The following XRN2 variants were observed in gnomAD, a reference collection of about 807,000 sequenced individuals.
XRN2 encodes the protein DHM1-like protein.
A neutral mutation model predicts 138.5 loss-of-function variants in XRN2; 44 were observed. That is an observed-to-expected ratio of 0.32 (90% CI 0.25 to 0.41). The LOEUF is 0.41. Ranked by LOEUF, XRN2 falls within the 10% of genes least tolerant of loss-of-function variation. XRN2 has a pLI of 1.00. For synonymous variants in XRN2, 354 were observed against 369.4 expected, an observed-to-expected ratio of 0.96 and a Z score of 0.48; for missense variants, 937 against 1,169.3, an observed-to-expected ratio of 0.80 and a Z score of 2.90.
At chr20:21,330,586 A>C (rs777391313) in intron 5 of XRN2, 30 bp from the exon 6 acceptor site, 2 of 1,613,524 alleles carry the variant, frequency 1.2e-6, no homozygotes, top group Non-Finnish European at 1.7e-6. Flanking sequence ...CTTAAATGAT[A>C]GGTTAATTTA....
chr20:21,381,440 GA>G (rs1225124806), intron 27 of XRN2, among the ~76,000 whole-genome samples: 1 of 152,154 alleles, frequency 6.6e-6, no homozygotes, highest in Non-Finnish European at 1.5e-5. Flanking sequence ...TGCGTTACAA[GA>G]AAACTATCAG....
chr20:21,384,276 C>T (rs909104217), intron 28 of XRN2, among the ~76,000 whole-genome samples: 1 of 152,148 alleles, frequency 6.6e-6, no homozygotes, highest in Non-Finnish European at 1.5e-5. Context: ...ATTTGCAAGG[C>T]AGCCATTTAG....
At chr20:21,372,503 T>A (rs1237361973) in intron 27 of XRN2, among the ~76,000 whole-genome samples, 1 of 152,214 alleles carries the variant, frequency 6.6e-6, no homozygotes, top group Non-Finnish European at 1.5e-5. Context: ...AAAATGCATT[T>A]TTAACTACAG....
chr20:21,324,155 A>G (rs567683984), intron 1 of XRN2, among the ~76,000 whole-genome samples: 41 of 152,062 alleles, frequency 2.7e-4, no homozygotes, highest in African/African-American at 9.6e-4. Context: ...CCCCCCCAAG[A>G]ATTGACCTGC....
At chr20:21,388,289 T>C (rs778978057) in intron 29 of XRN2, among the ~76,000 whole-genome samples, 3 of 152,236 alleles carry the variant, frequency 2.0e-5, no homozygotes, top group Non-Finnish European at 4.4e-5. Context: ...ATCTTCCTTT[T>C]AAAGGAACTC....
chr20:21,376,477 T>C (rs1193779496), intron 27 of XRN2, among the ~76,000 whole-genome samples: 1 of 152,232 alleles, frequency 6.6e-6, no homozygotes. Flanking sequence ...TTTTGTAAGT[T>C]GGCTGTTCTT....
intron 27 of XRN2, among the ~76,000 whole-genome samples, chr20:21,380,731 T>C (rs2038874109): frequency 6.6e-6 from 1 of 152,254 alleles, no homozygotes; most frequent in African/African-American, 2.4e-5. Flanking sequence ...AAGGGCTTCC[T>C]GCACCTTTCT....
chr20:21,388,586 AAAGTACTG>A (rs2038958598), intron 29 of XRN2, among the ~76,000 whole-genome samples: 1 of 152,198 alleles, frequency 6.6e-6, no homozygotes, highest in African/African-American at 2.4e-5. Context: ...GTTCATGTTT[AAAGTACTG>A]AAGTGCTCTC....
intron 1 of XRN2, among the ~76,000 whole-genome samples, chr20:21,324,046 G>C (rs1188180200): frequency 6.6e-6 from 1 of 152,110 alleles, no homozygotes; most frequent in Non-Finnish European, 1.5e-5. Flanking sequence ...GGACTTTGGG[G>C]TGTAGAGGTT....
At chr20:21,373,784 A>T (rs1004158904) in intron 27 of XRN2, among the ~76,000 whole-genome samples, 2 of 151,972 alleles carry the variant, frequency 1.3e-5, no homozygotes, top group African/African-American at 4.8e-5. Context: ...TGTTTGTGTG[A>T]TGGTAGTGTT....
chr20:21,380,494 T>G (rs989194981), intron 27 of XRN2, among the ~76,000 whole-genome samples: 1 of 152,246 alleles, frequency 6.6e-6, no homozygotes, highest in Non-Finnish European at 1.5e-5. Context: ...TTTCTGATAG[T>G]GTATAGTCTG....
chr20:21,348,609 GT>G (rs2038467991), intron 19 of XRN2, among the ~76,000 whole-genome samples, 179 bp downstream of exon 19: 1 of 151,872 alleles, frequency 6.6e-6, no homozygotes. Context: ...AAATCAGTTT[GT>G]TTTGGGGAGA....
At chr20:21,352,885 T>G (rs1022408793) in intron 20 of XRN2, among the ~76,000 whole-genome samples, 7 of 152,004 alleles carry the variant, frequency 4.6e-5, no homozygotes, top group Non-Finnish European at 8.8e-5. Context: ...AAGAATTCAG[T>G]GAGATAATGC....
intron 28 of XRN2, 108 bp from the exon 29 acceptor site, chr20:21,386,760 C>A: frequency 7.3e-7 from 1 of 1,376,964 alleles, no homozygotes; most frequent in Non-Finnish European, 1.0e-6. Context: ...TATGATAAAT[C>A]CAGGTAAATT....
intron 15 of XRN2, among the ~76,000 whole-genome samples, chr20:21,343,387 T>C (rs2122239606): frequency 6.6e-6 from 1 of 152,136 alleles, no homozygotes; most frequent in East Asian, 1.9e-4. Context: ...GAATTTAAAG[T>C]GACAGCTAAG....
rs1219015013 is a variant in XRN2, at chr20:21,365,615, C to A, written c.2367C>A (p.Ser789=). 3 of 1,613,124 alleles carry A rather than the reference C, an allele frequency of 1.9e-6. No individual in the cohort carries two copies. Among genetic ancestry groups the A allele is most frequent in the Middle Eastern group, 1.7e-4 (1 of 6,060 alleles). The change falls in exon 26 of 30, where the codon TCC becomes TCA. Residue 789 remains serine, a synonymous_variant. Coordinates refer to ENST00000377191, the MANE Select transcript of XRN2 (RefSeq NM_012255.5). Reference sequence around the variant, plus strand: ...TGAAACCTAGTGACTGGGAAAAATCCAGCAATGGACGGCAGTGGAAGCCTC... The same window carrying A: ...TGAAACCTAGTGACTGGGAAAAATCAAGCAATGGACGGCAGTGGAAGCCTC... The part of the protein sequence containing the change: ...AVLKPSDWEK[S]SNGRQWKPQL...
At chr20:21,388,238 C>G (rs1016332175) in intron 29 of XRN2, among the ~76,000 whole-genome samples, 30 of 152,230 alleles carry the variant, frequency 2.0e-4, no homozygotes, top group African/African-American at 6.0e-4. Context: ...GCTGCCTAGA[C>G]TGCTGACCCC....
intron 4 of XRN2, 38 bp from the exon 5 acceptor site, chr20:21,330,443 T>G (rs1483060482): frequency 1.2e-6 from 2 of 1,604,790 alleles, no homozygotes; most frequent in Non-Finnish European, 1.7e-6. Flanking sequence ...TTATCTCACT[T>G]TTTATGGGGA....
chr20:21,360,691 A>G (rs1377340930), intron 24 of XRN2, among the ~76,000 whole-genome samples: 2 of 151,474 alleles, frequency 1.3e-5, no homozygotes, highest in Admixed American at 1.3e-4. Flanking sequence ...GTGTATGGAG[A>G]TGGATTTTTT....
Sources: allele counts gnomAD v4.1 joint callset (sites outside exome capture counted in the v4.1 genomes callset), GRCh38; gene constraint gnomAD v4.1.1; transcripts MANE v1.5; gene names NCBI Gene and HGNC (gene_info 2026-07-23, HGNC 2026-07-21).